Variants in NCAM2 observed in about 807,000 individuals in gnomAD.
The protein encoded by NCAM2 is N-CAM-2.
A neutral mutation model predicts 98.1 loss-of-function variants in NCAM2; 30 were observed. That is an observed-to-expected ratio of 0.31 (90% CI 0.23 to 0.41). The LOEUF (loss-of-function observed/expected upper bound fraction) is 0.41, where lower values mean the gene tolerates loss of function less well. Among genes scored for constraint, NCAM2 ranks in the 10% least tolerant of loss-of-function variants. NCAM2 has a pLI of 1.00. For missense variants in NCAM2, 867 were observed against 1,005.8 expected (o/e 0.86, Z 1.87); for synonymous variants, 368 against 342.4 (o/e 1.07, Z -0.83).
chr21:21,211,444 A>G (rs1330733167), intron 1 of NCAM2, among the ~76,000 whole-genome samples: 1 of 152,168 alleles, frequency 6.6e-6, no homozygotes, highest in Non-Finnish European at 1.5e-5. Flanking sequence ...AATCCTTAGC[A>G]TTTTCAATGT....
intron 1 of NCAM2, among the ~76,000 whole-genome samples, chr21:21,262,363 C>T (rs2071938219): frequency 6.6e-6 from 1 of 151,974 alleles, no homozygotes; most frequent in Non-Finnish European, 1.5e-5. Flanking sequence ...TCTATTAAAC[C>T]AGTATTACCC....
chr21:21,133,387 G>A (rs1601456551), intron 1 of NCAM2, among the ~76,000 whole-genome samples: 1 of 152,146 alleles, frequency 6.6e-6, no homozygotes, highest in Non-Finnish European at 1.5e-5. Flanking sequence ...ATGAGCACAT[G>A]GGCTGATCGT....
intron 8 of NCAM2, among the ~76,000 whole-genome samples, chr21:21,348,659 C>T (rs923807917): frequency 2.6e-5 from 4 of 151,894 alleles, no homozygotes; most frequent in Admixed American, 2.0e-4. Flanking sequence ...TAAAACTGGA[C>T]AAATCACATT....
intron 1 of NCAM2, among the ~76,000 whole-genome samples, chr21:21,112,276 T>C (rs1044942580): frequency 6.6e-6 from 1 of 152,194 alleles, no homozygotes; most frequent in Non-Finnish European, 1.5e-5. Flanking sequence ...CTGAGACATA[T>C]TTTGCTTCTT....
At chr21:21,060,325 CAT>C (rs1283984405) in intron 1 of NCAM2, among the ~76,000 whole-genome samples, 1 of 152,012 alleles carries the variant, frequency 6.6e-6, no homozygotes, top group Admixed American at 6.6e-5. Flanking sequence ...AATATGCAAA[CAT>C]ATTATGTTTT....
intron 9 of NCAM2, among the ~76,000 whole-genome samples, chr21:21,399,171 G>A (rs149220523): frequency 1.3e-5 from 2 of 152,256 alleles, no homozygotes; most frequent in Non-Finnish European, 1.5e-5. Context: ...TGGTTAATTT[G>A]TACATACTTT....
intron 1 of NCAM2, among the ~76,000 whole-genome samples, chr21:21,160,171 G>T (rs1417538297): frequency 6.6e-6 from 1 of 151,840 alleles, no homozygotes; most frequent in Admixed American, 6.6e-5. Flanking sequence ...TTTAATTTTT[G>T]CAGTATAAAT....
At chr21:21,317,716 G>T (rs919358728) in intron 5 of NCAM2, among the ~76,000 whole-genome samples, 1 of 151,604 alleles carries the variant, frequency 6.6e-6, no homozygotes, top group Admixed American at 6.6e-5. Flanking sequence ...CTATTTTTTT[G>T]TAGCGACAGG....
chr21:21,477,531 A>G (rs1296657754), intron 15 of NCAM2, 60 bp downstream of exon 15: 1 of 1,253,204 alleles, frequency 8.0e-7, no homozygotes, highest in African/African-American at 1.5e-5. Context: ...CCTTTTTATA[A>G]CCCTTACTGA....
At chr21:21,123,351 C>T (rs1046008250) in intron 1 of NCAM2, among the ~76,000 whole-genome samples, 1 of 151,306 alleles carries the variant, frequency 6.6e-6, no homozygotes, top group African/African-American at 2.4e-5. Flanking sequence ...GAGTCAAGAT[C>T]GCGCCACTGC....
At chr21:21,504,451 C>A (rs1466311834) in intron 15 of NCAM2, among the ~76,000 whole-genome samples, 5 of 139,694 alleles carry the variant, frequency 3.6e-5, no homozygotes, top group East Asian at 2.1e-4. Context: ...AAGTAATAAA[C>A]CATGATTAAC....
At chr21:21,231,449 CT>C (rs1488963152) in intron 1 of NCAM2, among the ~76,000 whole-genome samples, 2 of 151,252 alleles carry the variant, frequency 1.3e-5, no homozygotes, top group African/African-American at 4.8e-5. Flanking sequence ...TTAAATATAA[CT>C]GCCAAAAGAC....
chr21:21,106,119 C>T (rs1316247104), intron 1 of NCAM2, among the ~76,000 whole-genome samples: 2 of 151,770 alleles, frequency 1.3e-5, no homozygotes, highest in African/African-American at 4.8e-5. Context: ...CCAGCCTGAG[C>T]AACAAAGCAA....
At chr21:21,410,525 A>G in intron 10 of NCAM2, 64 bp downstream of exon 10, 4 of 899,436 alleles carry the variant, frequency 4.4e-6, no homozygotes, top group Non-Finnish European at 6.4e-6. Flanking sequence ...ATTTCAGAAT[A>G]TATTTAAATA....
chr21:21,328,310 T>C (rs2074574220), intron 6 of NCAM2, among the ~76,000 whole-genome samples: 1 of 152,104 alleles, frequency 6.6e-6, no homozygotes, highest in Non-Finnish European at 1.5e-5. Context: ...ATGTTACTGG[T>C]TTATATATTT....
At chr21:21,237,431 G>A (rs2070875956) in intron 1 of NCAM2, among the ~76,000 whole-genome samples, 1 of 151,998 alleles carries the variant, frequency 6.6e-6, no homozygotes, top group Non-Finnish European at 1.5e-5. Context: ...TGAACATTGT[G>A]AGTACTATTT....
At chr21:21,141,875 T>G (rs1221974246) in intron 1 of NCAM2, among the ~76,000 whole-genome samples, 1 of 152,160 alleles carries the variant, frequency 6.6e-6, no homozygotes, top group East Asian at 1.9e-4. Context: ...CACCATAAAT[T>G]GGGTTCAAGG....
intron 6 of NCAM2, among the ~76,000 whole-genome samples, chr21:21,330,602 CT>C: frequency 6.6e-6 from 1 of 152,058 alleles, no homozygotes; most frequent in East Asian, 1.9e-4. Context: ...GATCAACTCC[CT>C]TGATAGTATT....
intron 15 of NCAM2, among the ~76,000 whole-genome samples, chr21:21,504,681 A>T (rs1209475049): frequency 2.0e-5 from 3 of 151,988 alleles, no homozygotes; most frequent in Non-Finnish European, 4.4e-5. Flanking sequence ...ATGAGAAAGT[A>T]TAAGCATTTA....
Sources: gnomAD v4.1 joint callset for allele counts (sites outside exome capture counted in the v4.1 genomes callset) on GRCh38, gnomAD v4.1.1 for gene constraint, MANE v1.5 for transcripts, NCBI Gene and HGNC (gene_info 2026-07-23, HGNC 2026-07-21) for gene names.